MACROH2A1: variants seen among roughly 807,000 people sequenced by gnomAD.
MACROH2A1 encodes the protein core histone macro-H2A.1.
MACROH2A1 carries 2 observed loss-of-function variants against 31.6 expected under a neutral mutation model. The ratio of observed to expected loss-of-function variants is 0.06; its 90% CI spans 0.03 to 0.20. The LOEUF is 0.20. Among genes scored for constraint, MACROH2A1 ranks in the 10% least tolerant of loss-of-function variants. The probability of loss-of-function intolerance (pLI) is 1.00; values close to 1 mark genes in which losing one functional copy is unlikely to be tolerated. For synonymous variants in MACROH2A1, 169 were observed against 189.6 expected, an observed-to-expected ratio of 0.89 and a Z score of 0.89; for missense variants, 230 against 474.0, an observed-to-expected ratio of 0.49 and a Z score of 4.78.
intron 2 of MACROH2A1, among the ~76,000 whole-genome samples, chr5:135,386,112 C>T (rs1766367432): frequency 6.6e-6 from 1 of 152,216 alleles, no homozygotes; most frequent in Admixed American, 6.5e-5. Context: ...GAATGTCTAA[C>T]ATCCACGTGC....
At chr5:135,338,996 G>GC (rs2149709415) in intron 8 of MACROH2A1, among the ~76,000 whole-genome samples, 1 of 152,300 alleles carries the variant, frequency 6.6e-6, no homozygotes, top group African/African-American at 2.4e-5. Context: ...GCCACCATCA[G>GC]CCCCACCTGG....
chr5:135,364,247 T>G (rs1219840193), intron 4 of MACROH2A1, among the ~76,000 whole-genome samples: 1 of 151,976 alleles, frequency 6.6e-6, no homozygotes, highest in African/African-American at 2.4e-5. Context: ...TGGGAGGGTG[T>G]GGGGCTGGGG....
At chr5:135,338,009 C>T (rs767127787) in intron 8 of MACROH2A1, 38 of 1,180,154 alleles carry the variant, frequency 3.2e-5, no homozygotes, top group Non-Finnish European at 3.5e-5. Context: ...GAAGGAATGG[C>T]GGAGGTAACG....
intron 8 of MACROH2A1, among the ~76,000 whole-genome samples, chr5:135,340,350 A>G (rs141392023): frequency 6.6e-6 from 1 of 152,304 alleles, no homozygotes; most frequent in East Asian, 1.9e-4. Flanking sequence ...GGCTCAACAC[A>G]TACCCATAAA....
At chr5:135,363,709 G>A (rs999482103) in intron 4 of MACROH2A1, among the ~76,000 whole-genome samples, 5 of 152,214 alleles carry the variant, frequency 3.3e-5, no homozygotes, top group Admixed American at 3.3e-4. Context: ...GGATGGCTGG[G>A]TCAAATGGTA....
chr5:135,348,831 A>G (rs1761170450), intron 6 of MACROH2A1, among the ~76,000 whole-genome samples: 3 of 152,168 alleles, frequency 2.0e-5, no homozygotes, highest in South Asian at 2.1e-4. Flanking sequence ...AGTGTCGGTG[A>G]ATGATGTGTG....
intron 2 of MACROH2A1, among the ~76,000 whole-genome samples, chr5:135,381,736 GA>G (rs1367909636): frequency 1.3e-5 from 2 of 152,234 alleles, no homozygotes; most frequent in African/African-American, 4.8e-5. Context: ...TACAGCTGGA[GA>G]AAGAGTAAAC....
chr5:135,375,904 G>A (rs538182785), intron 2 of MACROH2A1, among the ~76,000 whole-genome samples: 3 of 152,198 alleles, frequency 2.0e-5, no homozygotes, highest in African/African-American at 4.8e-5. Context: ...AACCCCAATC[G>A]GAAGGTGACT....
At chr5:135,343,703 T>TA (rs1316413337) in intron 7 of MACROH2A1, 3 of 484,862 alleles carry the variant, frequency 6.2e-6, no homozygotes, top group Non-Finnish European at 1.1e-5. Flanking sequence ...TCAGAAAGCA[T>TA]ACACGGTTCT....
chr5:135,379,131 G>T (rs1765300680), intron 2 of MACROH2A1, among the ~76,000 whole-genome samples: 1 of 152,192 alleles, frequency 6.6e-6, no homozygotes, highest in African/African-American at 2.4e-5. Context: ...CATTTCCAGA[G>T]GCCTTGGGTT....
intron 5 of MACROH2A1, chr5:135,357,128 T>C (rs568718658): frequency 8.5e-5 from 13 of 152,324 alleles, no homozygotes; most frequent in African/African-American, 2.9e-4. Flanking sequence ...TCTCCCTGCA[T>C]GCATGCATGC....
chr5:135,363,766 T>C (rs1156672197), intron 4 of MACROH2A1, among the ~76,000 whole-genome samples: 1 of 152,224 alleles, frequency 6.6e-6, no homozygotes, highest in Non-Finnish European at 1.5e-5. Context: ...TCTTCCACAA[T>C]GGTTGAACTA....
chr5:135,343,146 T>C lies in MACROH2A1; in HGVS notation c.953+114A>G, dbSNP rs751741451. 1.6e-5 allele frequency: 25 copies of C among 1,589,826 alleles called. No homozygotes were observed. In the South Asian group the frequency reaches 2.6e-4, roughly 16 times the overall value. On this transcript the variant is annotated intron_variant, in intron 8 of 8. Transcript: ENST00000511689. ...TCCCTGTGTTGTGCTTCTGGTCTCCTTGGTTAAGGCAGCCTCCGTGGGCCT... is the reference window on the plus strand; with the variant it reads ...TCCCTGTGTTGTGCTTCTGGTCTCCCTGGTTAAGGCAGCCTCCGTGGGCCT...
chr5:135,365,009 T>C (rs1763322079), intron 4 of MACROH2A1, among the ~76,000 whole-genome samples: 1 of 152,156 alleles, frequency 6.6e-6, no homozygotes, highest in Admixed American at 6.5e-5. Flanking sequence ...GGTTTGTGTT[T>C]GAAAAAATCC....
rs938567573 is a variant in MACROH2A1 at position 135,398,837 on chromosome 5, G to A, written c.-34+225C>T. Reference sequence around the variant, plus strand: ...GTTTCGAAGAGAAGTTGGTTTCCAGGTTTCTTTTTTGAACAAAACCAAAGG... The same window carrying A: ...GTTTCGAAGAGAAGTTGGTTTCCAGATTTCTTTTTTGAACAAAACCAAAGG... On this transcript the variant is annotated intron_variant, in intron 1 of 8. Coordinates refer to ENST00000511689, the MANE Select transcript of MACROH2A1 (RefSeq NM_138610.3). This position sits in a 1 kb window ranked among gnomAD's most constrained non-coding sequence, Gnocchi z 4.6. Among the ~76,000 whole-genome samples, 2 of 152,128 alleles carry A rather than the reference G, an allele frequency of 1.3e-5. No individual in the cohort carries two copies. Among genetic ancestry groups the A allele is most frequent in the African/African-American group, 4.8e-5 (2 of 41,440 alleles).
intron 2 of MACROH2A1, among the ~76,000 whole-genome samples, chr5:135,373,097 C>T (rs989225467): frequency 1.3e-5 from 2 of 152,146 alleles, no homozygotes; most frequent in Admixed American, 6.5e-5. Flanking sequence ...GCAAGAAAAT[C>T]GTTTGAAGGT....
intron 4 of MACROH2A1, chr5:135,360,938 G>C (rs1414223839): frequency 9.4e-6 from 4 of 425,066 alleles, no homozygotes; most frequent in African/African-American, 2.0e-5. Context: ...ATCTTTAAGT[G>C]TCTTTCCTTT....
chr5:135,347,930 T>C (rs900405811), intron 6 of MACROH2A1, among the ~76,000 whole-genome samples: 35 of 152,328 alleles, frequency 2.3e-4, no homozygotes, highest in African/African-American at 8.4e-4. Flanking sequence ...GGTAAAATAA[T>C]GTTTTTACTT....
At chr5:135,352,269 G>A (rs1376111959) in intron 6 of MACROH2A1, among the ~76,000 whole-genome samples, 1 of 152,236 alleles carries the variant, frequency 6.6e-6, no homozygotes, top group Non-Finnish European at 1.5e-5. Flanking sequence ...AGCCATAGAG[G>A]CAGGACACTT....
Sources: allele counts gnomAD v4.1 joint callset (sites outside exome capture counted in the v4.1 genomes callset), GRCh38; gene constraint gnomAD v4.1.1; non-coding constraint Gnocchi (gnomAD v3.1); transcripts MANE v1.5; gene names NCBI Gene and HGNC (gene_info 2026-07-23, HGNC 2026-07-21).